Variants in ANGPT1 observed in about 807,000 individuals in gnomAD.
ANGPT1 encodes angiopoietin 1.
In ANGPT1, 17 loss-of-function variants were observed where a neutral mutation model predicts 62.2. The observed-to-expected ratio is 0.27, with a 90% CI of 0.19 to 0.41. The LOEUF (loss-of-function observed/expected upper bound fraction) is 0.41. Among genes scored for constraint, ANGPT1 ranks in the 10% least tolerant of loss-of-function variants. The probability of loss-of-function intolerance (pLI) is 1.00; values close to 1 mark genes in which losing one functional copy is unlikely to be tolerated. For missense variants in ANGPT1, 478 were observed against 594.9 expected (o/e 0.80, Z 2.04); for synonymous variants, 199 against 198.9 (o/e 1.00, Z 0.00).
At chr8:107,439,733 A>T (rs1266127228) in intron 1 of ANGPT1, among the ~76,000 whole-genome samples, 4 of 152,208 alleles carry the variant, frequency 2.6e-5, no homozygotes, top group Non-Finnish European at 5.9e-5. Flanking sequence ...ATTGCTGCTC[A>T]AAAGGATTTG....
chr8:107,480,957 T>G (rs1231696900), intron 1 of ANGPT1, among the ~76,000 whole-genome samples: 1 of 152,110 alleles, frequency 6.6e-6, no homozygotes, highest in Non-Finnish European at 1.5e-5. Flanking sequence ...ATGGCAATAG[T>G]TTTTTTGGAT....
chr8:107,429,670 GTCGAC>G (rs149117699), intron 1 of ANGPT1, among the ~76,000 whole-genome samples: 5,784 of 133,450 alleles, frequency 0.043, 115 homozygotes, highest in Middle Eastern at 0.076. Context: ...AAAAAAAAAA[GTCGAC>G]TCTGCTGGGT....
intron 7 of ANGPT1, among the ~76,000 whole-genome samples, chr8:107,273,677 T>G (rs1047711820): frequency 3.3e-5 from 5 of 152,038 alleles, no homozygotes; most frequent in African/African-American, 1.2e-4. Context: ...GAGCGCTTAC[T>G]CATTTCACAC....
chr8:107,423,606 C>A (rs1810953460), intron 1 of ANGPT1, among the ~76,000 whole-genome samples: 1 of 152,116 alleles, frequency 6.6e-6, no homozygotes, highest in Non-Finnish European at 1.5e-5. Flanking sequence ...CTCCCTGCCA[C>A]TAAAACTGTC....
chr8:107,497,759 C>A lies in ANGPT1; in HGVS notation c.-201G>T. 1 of 604,182 alleles carries A rather than the reference C, an allele frequency of 1.7e-6. No homozygotes were observed. The highest frequency in any genetic ancestry group is 2.9e-6 in the Non-Finnish European group (1 of 350,702). 37.4% of individuals were successfully genotyped at this position (604,182 alleles called of 1,614,324 possible). On this transcript the variant is annotated 5_prime_UTR_variant, in exon 1 of 9. Transcript: ENST00000517746. ...AATTTTAAAATTTTTTATTTCACTGCAATGATGTTTTTCTTCGTTAAAACT... is the reference window on the plus strand; with the variant it reads ...AATTTTAAAATTTTTTATTTCACTGAAATGATGTTTTTCTTCGTTAAAACT...
intron 4 of ANGPT1, among the ~76,000 whole-genome samples, chr8:107,318,901 G>T (rs780383829): frequency 5.9e-4 from 89 of 152,110 alleles, no homozygotes; most frequent in Non-Finnish European, 9.7e-4. Flanking sequence ...TATATTTATG[G>T]TGTACTACAT....
chr8:107,455,312 A>T (rs1226100186), intron 1 of ANGPT1, among the ~76,000 whole-genome samples: 2 of 152,104 alleles, frequency 1.3e-5, no homozygotes, highest in Non-Finnish European at 2.9e-5. Context: ...ATCTAAAATT[A>T]GATGAGAGTA....
intron 3 of ANGPT1, among the ~76,000 whole-genome samples, chr8:107,331,145 T>G (rs1444659284): frequency 6.6e-6 from 1 of 152,194 alleles, no homozygotes; most frequent in Non-Finnish European, 1.5e-5. Context: ...TGATTTCATT[T>G]TTCATTTCTT....
chr8:107,273,866 A>T (rs1813797278), intron 7 of ANGPT1, among the ~76,000 whole-genome samples: 1 of 151,576 alleles, frequency 6.6e-6, no homozygotes, highest in Non-Finnish European at 1.5e-5. Flanking sequence ...TTACACATAA[A>T]TTTATACAAA....
At chr8:107,356,643 T>C (rs1217944702) in intron 1 of ANGPT1, among the ~76,000 whole-genome samples, 2 of 151,906 alleles carry the variant, frequency 1.3e-5, no homozygotes, top group Non-Finnish European at 2.9e-5. Flanking sequence ...CCTGGAAAAA[T>C]TGAGGGCTAG....
chr8:107,359,689 T>C (rs1816119559), intron 1 of ANGPT1, among the ~76,000 whole-genome samples: 2 of 152,154 alleles, frequency 1.3e-5, no homozygotes, highest in Admixed American at 6.5e-5. Context: ...TTCAGCATAA[T>C]ACACAGTACA....
intron 1 of ANGPT1, among the ~76,000 whole-genome samples, chr8:107,350,587 A>G (rs1029804888): frequency 6.6e-6 from 1 of 152,136 alleles, no homozygotes; most frequent in Non-Finnish European, 1.5e-5. Context: ...CATCACAACC[A>G]TAAAGTGCCT....
intron 1 of ANGPT1, among the ~76,000 whole-genome samples, chr8:107,496,498 C>T (rs181398363): frequency 6.6e-6 from 1 of 152,292 alleles, no homozygotes; most frequent in African/African-American, 2.4e-5. Flanking sequence ...AACTACAATG[C>T]CCTGAGAAGG....
At chr8:107,466,577 A>C (rs1425628604) in intron 1 of ANGPT1, among the ~76,000 whole-genome samples, 1 of 152,240 alleles carries the variant, frequency 6.6e-6, no homozygotes, top group South Asian at 2.1e-4. Context: ...GCCAAGGAAA[A>C]TCCAAGGATT....
intron 1 of ANGPT1, among the ~76,000 whole-genome samples, chr8:107,439,103 G>C (rs1218993298): frequency 1.3e-5 from 2 of 152,092 alleles, no homozygotes; most frequent in Non-Finnish European, 2.9e-5. Context: ...AAAAAAGAAA[G>C]TTTAGATACA....
intron 1 of ANGPT1, among the ~76,000 whole-genome samples, chr8:107,417,667 G>T (rs1810789658): frequency 6.6e-6 from 1 of 152,100 alleles, no homozygotes; most frequent in Non-Finnish European, 1.5e-5. Flanking sequence ...TCATTGGAGA[G>T]AGCTACAAAT....
intron 1 of ANGPT1, among the ~76,000 whole-genome samples, chr8:107,357,611 C>T (rs2445353): frequency 0.23 from 34,577 of 152,042 alleles, 4,826 homozygotes; most frequent in African/African-American, 0.38. Flanking sequence ...ACACTTACTT[C>T]TCCTCTGACA....
chr8:107,437,926 A>C (rs1170738280), intron 1 of ANGPT1, among the ~76,000 whole-genome samples: 1 of 152,208 alleles, frequency 6.6e-6, no homozygotes, highest in Non-Finnish European at 1.5e-5. Context: ...TGAACAGCAG[A>C]ACCTGTGTAG....
rs910620661 is a variant in ANGPT1 at position 107,250,828 on chromosome 8, AT to A, written c.*1026del. On this transcript the variant is annotated 3_prime_UTR_variant, in exon 9 of 9. Coordinates refer to ENST00000517746, the MANE Select transcript of ANGPT1 (RefSeq NM_001146.5). ...GGGTGAGTATTGGAGTTCTAAAAAT[AT>A]TTTTAAAATAATGAAGTTACATGTA... 3.9e-5 allele frequency: 6 copies of A among 152,230 alleles called. No homozygotes were observed. The highest frequency in any genetic ancestry group is 3.4e-3 in the Middle Eastern group (1 of 294). 9.4% of individuals were successfully genotyped at this position (152,230 alleles called of 1,614,324 possible).
Sources: gnomAD v4.1 joint callset for allele counts (sites outside exome capture counted in the v4.1 genomes callset) on GRCh38, gnomAD v4.1.1 for gene constraint, MANE v1.5 for transcripts, NCBI Gene and HGNC (gene_info 2026-07-23, HGNC 2026-07-21) for gene names.